The following TEX15 variants were observed in gnomAD, a reference collection of about 807,000 sequenced individuals.
The protein encoded by TEX15 is testis-expressed protein 15.
In TEX15, 171 loss-of-function variants were observed where a neutral mutation model predicts 237.3. That is an observed-to-expected ratio of 0.72 (90% CI 0.64 to 0.82). The LOEUF is 0.82. Ranked by LOEUF, TEX15 falls within the 40% of genes least tolerant of loss-of-function variation. The pLI is 0.00. For synonymous variants in TEX15, 1,338 were observed against 1,269.8 expected (o/e 1.05, Z -1.14); for missense variants, 3,750 against 3,646.5 (o/e 1.03, Z -0.73).
chr8:30,865,626 G>A (rs536215918), intron 5 of TEX15, among the ~76,000 whole-genome samples: 2 of 152,076 alleles, frequency 1.3e-5, no homozygotes, highest in East Asian at 1.9e-4. Context: ...TCATACCAGC[G>A]ATGCAAGGAT....
At position 30,843,869 on chromosome 8, in the gene TEX15, G is replaced by A. The variant is rs1324219823; in HGVS notation, c.6298C>T (p.Arg2100Ter). ...KRHLEGEPTL[R>*]SLLWYDETLY... is the part of the protein sequence containing the mutation. Reference sequence around the variant, plus strand: ...GTTTCATCATACCAAAGCAAGCTTCGCAATGTTGGTTCACCTTCTAAGTGC... The same window carrying A: ...GTTTCATCATACCAAAGCAAGCTTCACAATGTTGGTTCACCTTCTAAGTGC... Residue 2100 changes from arginine (R) to a stop codon, truncating the protein, a stop_gained, in exon 8 of 11, where the codon CGA (arginine) becomes TGA (stop). Coordinates refer to ENST00000643185, the MANE Select transcript of TEX15 (RefSeq NM_001350162.2). LOFTEE classifies it high-confidence loss of function. 1.2e-6 allele frequency: 2 copies of A among 1,612,362 alleles called. No homozygotes were observed. The highest frequency in any genetic ancestry group is 2.2e-5 in the East Asian group (1 of 44,870).
At chr8:30,903,349 G>A (rs1335081190) in intron 1 of TEX15, among the ~76,000 whole-genome samples, 3 of 152,174 alleles carry the variant, frequency 2.0e-5, no homozygotes, top group African/African-American at 7.2e-5. Context: ...TTTTCATCAC[G>A]GGGAAAAATC....
intron 3 of TEX15, among the ~76,000 whole-genome samples, chr8:30,884,396 T>C (rs934651728): frequency 2.0e-5 from 3 of 152,188 alleles, no homozygotes; most frequent in African/African-American, 7.2e-5. Flanking sequence ...CTGAAAGAGA[T>C]TGTAAAGAAT....
chr8:30,857,571 A>G (rs1386432234), intron 7 of TEX15, among the ~76,000 whole-genome samples: 3 of 152,230 alleles, frequency 2.0e-5, no homozygotes, highest in African/African-American at 7.2e-5. Flanking sequence ...CAGTAATGAA[A>G]TAAAAATTAG....
intron 5 of TEX15, among the ~76,000 whole-genome samples, chr8:30,860,613 GGA>G (rs1808028045): frequency 7.1e-6 from 1 of 140,416 alleles, no homozygotes; most frequent in Non-Finnish European, 1.5e-5. Context: ...CACCCAGGCT[GGA>G]GTGCAGTGGT....
chr8:30,889,143 C>G (rs1406837031), intron 2 of TEX15, among the ~76,000 whole-genome samples: 1 of 152,170 alleles, frequency 6.6e-6, no homozygotes, highest in East Asian at 1.9e-4. Flanking sequence ...CAGCCAAGTG[C>G]TGGGACAATC....
At chr8:30,850,462 T>C (rs1361194785) in intron 7 of TEX15, among the ~76,000 whole-genome samples, 4 of 152,164 alleles carry the variant, frequency 2.6e-5, no homozygotes, top group Non-Finnish European at 5.9e-5. Flanking sequence ...ATAAAACATA[T>C]GAAGTTATCA....
Position 30,842,488 on chromosome 8 carries a change from T to C in TEX15, c.7679A>G (p.Tyr2560Cys), listed in dbSNP as rs753317825. 1.1e-5 allele frequency: 17 copies of C among 1,612,692 alleles called. No homozygotes were observed. Among genetic ancestry groups the C allele is most frequent in the Admixed American group, 5.0e-5 (3 of 59,886 alleles). The change falls in exon 8 of 11, where the codon TAT (tyrosine) becomes TGT (cysteine). Residue 2560 changes from tyrosine (Y) to cysteine (C), a missense_variant. Physicochemically the swap from Tyr to Cys is radical, Grantham distance 194. Transcript: ENST00000643185. ...EIKKLLKKSK[Y>C]FISTYIDFVP... ...AAAGTCAATATATGTGGAAATAAAA[T>C]ACTTGGACTTCTTCAGAAGCTTTTT...
intron 1 of TEX15, among the ~76,000 whole-genome samples, chr8:30,899,224 C>T (rs1441013139): frequency 3.9e-5 from 6 of 152,114 alleles, no homozygotes; most frequent in Admixed American, 3.9e-4. Context: ...TCAATCACTG[C>T]AGTTATGATA....
intron 3 of TEX15, among the ~76,000 whole-genome samples, chr8:30,877,762 T>C (rs1385576421): frequency 1.3e-5 from 2 of 152,140 alleles, no homozygotes; most frequent in African/African-American, 4.8e-5. Context: ...TAATCCAGTA[T>C]CAAAACTAGG....
At position 30,843,187 on chromosome 8, in the gene TEX15, A is replaced by G; in HGVS notation, c.6980T>C (p.Ile2327Thr). Residue 2327 changes from isoleucine (I) to threonine (T), a missense_variant, in exon 8 of 11, where the codon ATT becomes ACT. Coordinates refer to ENST00000643185, the MANE Select transcript of TEX15 (RefSeq NM_001350162.2). The stretch of plus-strand genomic sequence containing the variant: ...ATCCTCCTCAAGCCCAATAGGGGAA[A>G]TTGGTTCATTGTTTAAATCTTTAGA... ...TLSKDLNNEP[I>T]SPIGLEEDTI... The G allele has an allele frequency of 6.2e-7, 1 of 1,613,508 alleles. No homozygotes were observed. Among genetic ancestry groups the G allele is most frequent in the Non-Finnish European group, 8.5e-7 (1 of 1,179,646 alleles).
intron 2 of TEX15, among the ~76,000 whole-genome samples, chr8:30,894,263 G>A (rs1808850588): frequency 6.6e-6 from 1 of 152,116 alleles, no homozygotes; most frequent in African/African-American, 2.4e-5. Flanking sequence ...CAAAGCTGTA[G>A]TGAGCTATGA....
In TEX15 at chr8:30,843,974, A is replaced by G; in HGVS notation, c.6193T>C (p.Leu2065=). The change falls in exon 8 of 11, where the codon TTA becomes CTA. Residue 2065 remains leucine, a synonymous_variant. Transcript: ENST00000643185. ...QNLWNNCKHT[L]KPCAVDTLVE... is the part of the protein sequence containing the mutation. ...AAAGTGTCAACAGCACATGGTTTTA[A>G]TGTGTGTTTGCAATTATTCCACAGG... is the stretch of plus-strand genomic sequence containing the variant. The G allele has an allele frequency of 6.2e-7, 1 of 1,613,086 alleles. No homozygotes were observed. Among genetic ancestry groups the G allele is most frequent in the Middle Eastern group, 1.6e-4 (1 of 6,062 alleles).
rs142485241 is a variant in TEX15, at chr8:30,844,125, C to G, written c.6042G>C (p.Gln2014His). ...AAACCTTAGTTTCTTCCTGTAGAAT[C>G]TGCAAAGATGATGCTTCATCTGCCC... ...LQRADEASSL[Q>H]ILQEETKVCL... Residue 2014 changes from glutamine to histidine, a missense_variant, in exon 8 of 11, where the codon CAG becomes CAC. By Grantham distance (24) the Gln-to-His change is conservative. Coordinates refer to ENST00000643185, the MANE Select transcript of TEX15 (RefSeq NM_001350162.2). The G allele has an allele frequency of 5.9e-4, 945 of 1,613,312 alleles. 9 individuals are homozygous for G. The East Asian group carries it at 0.011, about 18-fold the overall frequency.
chr8:30,848,316 A>T lies in TEX15; in HGVS notation c.1851T>A (p.Asn617Lys). The T allele has an allele frequency of 3.1e-6, 5 of 1,613,832 alleles. No individual in the cohort carries two copies. The highest frequency in any genetic ancestry group is 4.2e-6 in the Non-Finnish European group (5 of 1,179,968). ...KKVSIDEYLQ[N>K]TGKMKNFADL... is the part of the protein sequence containing the mutation. ...CAGCGAAGTTTTTCATCTTTCCAGT[A>T]TTTTGAAGGTATTCATCAATGCTTA... Residue 617 changes from asparagine to lysine, a missense_variant, in exon 8 of 11, where the codon AAT becomes AAA. Transcript: ENST00000643185.
At chr8:30,888,789 C>T (rs1808720908) in intron 2 of TEX15, 1 of 465,806 alleles carries the variant, frequency 2.1e-6, no homozygotes. Context: ...CCTCTTAATC[C>T]CCTCCTGTTC....
intron 7 of TEX15, among the ~76,000 whole-genome samples, chr8:30,852,985 G>C (rs1265118660): frequency 6.6e-6 from 1 of 152,134 alleles, no homozygotes; most frequent in African/African-American, 2.4e-5. Flanking sequence ...AGTGGCTACT[G>C]TATTAGATAG....
chr8:30,858,394 C>T (rs1450209019), intron 7 of TEX15, among the ~76,000 whole-genome samples: 1 of 151,940 alleles, frequency 6.6e-6, no homozygotes, highest in Admixed American at 6.6e-5. Flanking sequence ...TCACTGCAAC[C>T]TCCACCTCCT....
In TEX15 at chr8:30,848,231, C is replaced by T; in HGVS notation, c.1936G>A (p.Asp646Asn). The T allele has an allele frequency of 6.2e-7, 1 of 1,612,412 alleles. No homozygotes were observed. Among genetic ancestry groups the T allele is most frequent in the Non-Finnish European group, 8.5e-7 (1 of 1,179,710 alleles). ...KQTSWKEIDN[D>N]FTNETKISPI... ...CTGATTTTTGTTTCATTAGTGAAATCATTATCAATTTCTTTCCATGAAGTT... is the reference window on the plus strand; with the variant it reads ...CTGATTTTTGTTTCATTAGTGAAATTATTATCAATTTCTTTCCATGAAGTT... The change falls in exon 8 of 11, where the codon GAT (aspartate) becomes AAT (asparagine). Residue 646 changes from aspartate (D) to asparagine (N), a missense_variant. Coordinates refer to ENST00000643185, the MANE Select transcript of TEX15 (RefSeq NM_001350162.2).
Sources: allele counts gnomAD v4.1 joint callset (sites outside exome capture counted in the v4.1 genomes callset), GRCh38; gene constraint gnomAD v4.1.1; transcripts MANE v1.5; gene names NCBI Gene and HGNC (gene_info 2026-07-23, HGNC 2026-07-21).